Variants in SYNGR3 observed in about 807,000 individuals in gnomAD.
The protein encoded by SYNGR3 is synaptogyrin-3.
In SYNGR3, 10 loss-of-function variants were observed where a neutral mutation model predicts 18.5. The observed-to-expected ratio is 0.54, with a 90% confidence interval of 0.33 to 0.92. The LOEUF is 0.92. SYNGR3 is among the 40% of genes least tolerant of loss of function. SYNGR3 has a pLI of 0.02. For missense variants in SYNGR3, 335 were observed against 332.8 expected, an observed-to-expected ratio of 1.01 and a Z score of -0.05; for synonymous variants, 188 against 157.2, an observed-to-expected ratio of 1.20 and a Z score of -1.47.
chr16:1,990,662 C>G (rs1216413354), intron 1 of SYNGR3: 1 of 295,940 alleles, frequency 3.4e-6, no homozygotes, highest in Non-Finnish European at 7.1e-6. Context: ...CCCTGGCCCC[C>G]AGTTCCAGCT....
chr16:1,991,997 G>T lies in SYNGR3; in HGVS notation c.123G>T (p.Gly41=), dbSNP rs771045671. 1.3e-6 allele frequency: 2 copies of T among 1,594,894 alleles called. No homozygotes were observed. The highest frequency in any genetic ancestry group is 1.7e-6 in the Non-Finnish European group (2 of 1,172,684). ...ASWVFSIAVF[G]PIVNEGYVNT... is the part of the protein sequence containing the mutation. ...AGGTGTTCTCCATCGCCGTCTTCGG[G>T]CCCATCGTCAACGAGGGCTACGTGA... Residue 41 remains glycine, a synonymous_variant, in exon 2 of 4, where the codon GGG becomes GGT. Transcript: ENST00000248121.
In SYNGR3 at chr16:1,993,578, T is replaced by C. The variant is rs2083616577; in HGVS notation, c.*506T>C. 2.2e-6 allele frequency: 1 copy of C among 458,050 alleles called. No homozygotes were observed. Among genetic ancestry groups the C allele is most frequent in the Non-Finnish European group, 4.4e-6 (1 of 228,006 alleles). The allele number at this position is 458,050 out of a possible 1,614,324, so 28.4% of individuals were successfully genotyped here. On this transcript the variant is annotated 3_prime_UTR_variant, in exon 4 of 4. Transcript: ENST00000248121. ...GTCCCGTCCGGAGCCACTCTCCACTTTCTCTCACAGGCTGCTAGAACAGCC... is the reference window on the plus strand; with the variant it reads ...GTCCCGTCCGGAGCCACTCTCCACTCTCTCTCACAGGCTGCTAGAACAGCC...
At chr16:1,992,823 G>A (rs2083612366) in intron 3 of SYNGR3, 40 bp from the exon 4 acceptor site, 1 of 1,504,740 alleles carries the variant, frequency 6.6e-7, no homozygotes, top group Admixed American at 2.2e-5. Flanking sequence ...GCGGGCGCTC[G>A]GCTGATCCCG....
intron 3 of SYNGR3, 24 bp downstream of exon 3, chr16:1,992,802 G>A (rs1470775319): frequency 6.6e-7 from 1 of 1,507,486 alleles, no homozygotes; most frequent in Non-Finnish European, 8.8e-7. Flanking sequence ...CCGGGAGGGC[G>A]GGGCGAAGGG....
rs755280789 is a variant in SYNGR3 at position 1,992,038 on chromosome 16, C to G, written c.164C>G (p.Pro55Arg). 1.5e-5 allele frequency: 23 copies of G among 1,580,878 alleles called. No individual in the cohort carries two copies. The highest frequency in any genetic ancestry group is 1.9e-5 in the Non-Finnish European group (22 of 1,165,556). The change falls in exon 2 of 4, where the codon CCC (proline) becomes CGC (arginine). Residue 55 changes from proline (P) to arginine (R), a missense_variant. Transcript: ENST00000248121. Reference protein sequence around the residue: ...NEGYVNTDSGPELRCVFNGNA... With the variant: ...NEGYVNTDSGRELRCVFNGNA... ...GGCTACGTGAACACCGACAGCGGCC[C>G]CGAGCTGCGCTGCGTGTTCAACGGG...
rs1227871317 is a variant in SYNGR3, at chr16:1,993,496, T to C, written c.*424T>C. On this transcript the variant is annotated 3_prime_UTR_variant, in exon 4 of 4. Transcript: ENST00000248121. ...CCCCAAGACTGGGGATCCTGGCCAC[T>C]GTTCCCATCCCATGTCCCTGTGGGT... 2 of 476,548 alleles carry C rather than the reference T, an allele frequency of 4.2e-6. No individual in the cohort carries two copies. Among genetic ancestry groups the C allele is most frequent in the Non-Finnish European group, 8.3e-6 (2 of 240,696 alleles). The allele number at this position is 476,548 out of a possible 1,614,324, so 29.5% of individuals were successfully genotyped here. A position where few individuals can be genotyped will look rare whatever the true frequency, so the allele number is the denominator to read the frequency against.
In SYNGR3 at chr16:1,993,886, C is replaced by T. The variant is rs945543620; in HGVS notation, c.*814C>T. 1.3e-5 allele frequency: 4 copies of T among 309,594 alleles called. No homozygotes were observed. The highest frequency in any genetic ancestry group is 1.2e-3 in the Middle Eastern group (1 of 860). The allele number at this position is 309,594 out of a possible 1,614,324, so 19.2% of individuals were successfully genotyped here. On this transcript the variant is annotated 3_prime_UTR_variant, in exon 4 of 4. Coordinates refer to ENST00000248121, the MANE Select transcript of SYNGR3 (RefSeq NM_004209.6). Reference sequence around the variant, plus strand: ...GGCCACCGTGCCCCACAAGATGGCCCCTGTGTGGTTCCCTTTACCTTGGCT... The same window carrying T: ...GGCCACCGTGCCCCACAAGATGGCCTCTGTGTGGTTCCCTTTACCTTGGCT...
rs754241387 is a variant in SYNGR3 at position 1,991,961 on chromosome 16, G to A, written c.100-13G>A. Reference sequence around the variant, plus strand: ...GGGTCGCCGCAGGGCCCTGAGCGCCGCGCCGCACGCAGGTGTTCTCCATCG... The same window carrying A: ...GGGTCGCCGCAGGGCCCTGAGCGCCACGCCGCACGCAGGTGTTCTCCATCG... On this transcript the variant is annotated splice_polypyrimidine_tract_variant and intron_variant, in intron 1 of 3. Coordinates refer to ENST00000248121, the MANE Select transcript of SYNGR3 (RefSeq NM_004209.6). 5 of 1,586,008 alleles carry A rather than the reference G, an allele frequency of 3.2e-6. No homozygotes were observed. Among genetic ancestry groups the A allele is most frequent in the African/African-American group, 1.4e-5 (1 of 73,004 alleles).
chr16:1,991,861 C>G, intron 1 of SYNGR3, 113 bp from the exon 2 acceptor site: 1 of 886,642 alleles, frequency 1.1e-6, no homozygotes. Flanking sequence ...GACACCGCCC[C>G]CCACCCAGAT....
chr16:1,992,827 G>GATCCCGGCT, intron 3 of SYNGR3, 36 bp from the exon 4 acceptor site: 1 of 1,512,970 alleles, frequency 6.6e-7, no homozygotes. Flanking sequence ...GCGCTCGGCT[G>GATCCCGGCT]ATCCCGGCTG....
chr16:1,990,471 C>T (rs1033457867), intron 1 of SYNGR3: 13 of 541,922 alleles, frequency 2.4e-5, no homozygotes, highest in East Asian at 2.1e-4. Context: ...ACCTCCTCCC[C>T]GGGTCTAATT....
intron 1 of SYNGR3, 119 bp from the exon 2 acceptor site, chr16:1,991,855 C>A: frequency 1.2e-6 from 1 of 833,174 alleles, no homozygotes; most frequent in Non-Finnish European, 1.8e-6. Flanking sequence ...AGAGGTGACA[C>A]CGCCCCCCAC....
At chr16:1,990,542 C>T (rs1350937169) in intron 1 of SYNGR3, 5 of 463,706 alleles carry the variant, frequency 1.1e-5, no homozygotes, top group South Asian at 4.7e-5. Flanking sequence ...GAAGCAGGGA[C>T]GGGGTGGGGA....
Position 1,992,704 on chromosome 16 carries a change from G to C in SYNGR3, c.406G>C (p.Gly136Arg). ...LTNQWQRTAP[G>R]PATTQAGDAA... is the part of the protein sequence containing the mutation. ...CAATCAGTGGCAGCGCACGGCGCCA[G>C]GGCCGGCCACGACGCAGGCGGGGGA... The change falls in exon 3 of 4, where the codon GGG (glycine) becomes CGG (arginine). Residue 136 changes from glycine (G) to arginine (R), a missense_variant. By Grantham distance (125) the Gly-to-Arg change is moderately radical (BLOSUM62 -2). Coordinates refer to ENST00000248121, the MANE Select transcript of SYNGR3 (RefSeq NM_004209.6). 1.2e-6 allele frequency: 2 copies of C among 1,601,986 alleles called. No homozygotes were observed. Among genetic ancestry groups the C allele is most frequent in the Non-Finnish European group, 1.7e-6 (2 of 1,176,760 alleles).
chr16:1,990,613 G>GCA, intron 1 of SYNGR3: 1 of 390,114 alleles, frequency 2.6e-6, no homozygotes, highest in Non-Finnish European at 5.3e-6. Context: ...CCCTTCCCCC[G>GCA]CACACACACC....
rs200780892 is a variant in SYNGR3 at position 1,993,575 on chromosome 16, A to C, written c.*503A>C. On this transcript the variant is annotated 3_prime_UTR_variant, in exon 4 of 4. Coordinates refer to ENST00000248121, the MANE Select transcript of SYNGR3 (RefSeq NM_004209.6). ...TGCGTCCCGTCCGGAGCCACTCTCC[A>C]CTTTCTCTCACAGGCTGCTAGAACA... 24 of 458,104 alleles carry C rather than the reference A, an allele frequency of 5.2e-5. No homozygotes were observed. Among genetic ancestry groups the C allele is most frequent in the African/African-American group, 3.8e-4 (19 of 50,118 alleles). 28.4% of individuals were successfully genotyped at this position (458,104 alleles called of 1,614,324 possible). A position where few individuals can be genotyped will look rare whatever the true frequency, so the allele number is the denominator to read the frequency against.
intron 1 of SYNGR3, 102 bp downstream of exon 1, chr16:1,990,303 C>G: frequency 2.1e-6 from 1 of 484,236 alleles, no homozygotes; most frequent in South Asian, 6.7e-5. Flanking sequence ...GCTTCTCGCC[C>G]CCCGACCTCA....
chr16:1,990,393 G>A lies in SYNGR3; in HGVS notation c.99+192G>A, dbSNP rs1352236376. Reference sequence around the variant, plus strand: ...CACCGGGCAGGGCGCGCCCACCTGCGGGCGGAGGAGGGGCCGGCGGCGCCG... The same window carrying A: ...CACCGGGCAGGGCGCGCCCACCTGCAGGCGGAGGAGGGGCCGGCGGCGCCG... On this transcript the variant is annotated intron_variant, in intron 1 of 3. Coordinates refer to ENST00000248121, the MANE Select transcript of SYNGR3 (RefSeq NM_004209.6). The A allele has an allele frequency of 1.8e-5, 8 of 443,984 alleles. No homozygotes were observed. In the South Asian group the frequency reaches 2.1e-4, roughly 12 times the overall value. The allele number at this position is 443,984 out of a possible 1,614,324, so 27.5% of individuals were successfully genotyped here.
intron 1 of SYNGR3, chr16:1,990,506 T>C: frequency 1.9e-6 from 1 of 513,280 alleles, no homozygotes; most frequent in Non-Finnish European, 3.8e-6. Context: ...CAGCCCTTAC[T>C]CCGTTTTTCC....
Sources: gnomAD v4.1 joint callset for allele counts on GRCh38, gnomAD v4.1.1 for gene constraint, MANE v1.5 for transcripts, NCBI Gene and HGNC (gene_info 2026-07-23, HGNC 2026-07-21) for gene names.